The following GEMIN5 variants were observed in gnomAD, a reference collection of about 807,000 sequenced individuals.
The protein encoded by GEMIN5 is gem-associated protein 5.
A neutral mutation model predicts 176.9 loss-of-function variants in GEMIN5; 124 were observed. The observed-to-expected ratio is 0.70, with a 90% CI of 0.61 to 0.81. The LOEUF (loss-of-function observed/expected upper bound fraction) is 0.81, where lower values mean the gene tolerates loss of function less well. GEMIN5 is among the 40% of genes least tolerant of loss of function. The pLI, the probability that GEMIN5 is intolerant of heterozygous loss-of-function variation, is 0.00. For synonymous variants in GEMIN5, 673 were observed against 665.2 expected, an observed-to-expected ratio of 1.01 and a Z score of -0.18; for missense variants, 1,843 against 1,814.6, an observed-to-expected ratio of 1.02 and a Z score of -0.28.
intron 14 of GEMIN5, 134 bp from the exon 15 acceptor site, chr5:154,912,032 A>C (rs1298074872): frequency 2.5e-6 from 2 of 790,330 alleles, no homozygotes; most frequent in Non-Finnish European, 3.9e-6. Context: ...GGTGATTTAG[A>C]GTTTTCTCTT....
At chr5:154,899,087 G>T in intron 22 of GEMIN5, 104 bp downstream of exon 22, 1 of 1,103,610 alleles carries the variant, frequency 9.1e-7, no homozygotes, top group Non-Finnish European at 1.3e-6. Flanking sequence ...ATAATTCCTT[G>T]CTGCTTTACC....
At chr5:154,889,118 C>T (rs569490667) in intron 27 of GEMIN5, among the ~76,000 whole-genome samples, 10 of 152,258 alleles carry the variant, frequency 6.6e-5, no homozygotes, top group African/African-American at 1.7e-4. Flanking sequence ...CCTCATGATC[C>T]GCCAGCCTCA....
Position 154,903,084 on chromosome 5 carries a change from A to T in GEMIN5, c.2724T>A (p.Ile908=). The stretch of plus-strand genomic sequence containing the variant: ...TGTTGACTGGATTTGTCTCACCTTC[A>T]ATATCAATCATTCTATACAGGGTAG... ...DRATLYRMID[I]EGKGHLENGH... The change falls in exon 19 of 28, where the codon ATT becomes ATA. Residue 908 remains isoleucine (I), a synonymous_variant. Transcript: ENST00000285873. 6.3e-7 allele frequency: 1 copy of T among 1,584,406 alleles called. No individual in the cohort carries two copies. The highest frequency in any genetic ancestry group is 8.7e-7 in the Non-Finnish European group (1 of 1,155,970).
chr5:154,919,906 T>C (rs1360783420), intron 11 of GEMIN5, 61 bp downstream of exon 11: 3 of 1,453,146 alleles, frequency 2.1e-6, no homozygotes, highest in South Asian at 2.4e-5. Flanking sequence ...TTTTGCAAGA[T>C]GGGAAACACA....
intron 13 of GEMIN5, among the ~76,000 whole-genome samples, chr5:154,913,763 G>A (rs2113485762): frequency 6.6e-6 from 1 of 152,232 alleles, no homozygotes; most frequent in Admixed American, 6.5e-5. Flanking sequence ...GTTGTAGTGA[G>A]CTGAGATCGT....
intron 7 of GEMIN5, among the ~76,000 whole-genome samples, chr5:154,926,525 C>T (rs920293920): frequency 5.3e-5 from 8 of 152,224 alleles, no homozygotes; most frequent in Admixed American, 2.6e-4. Flanking sequence ...GTTTAAGAGA[C>T]AGGCTTGGGA....
Position 154,935,945 on chromosome 5 carries a change from GA to G in GEMIN5, c.404del (p.Phe135SerfsTer15). On this transcript the variant is annotated frameshift_variant, in exon 3 of 28. Transcript: ENST00000285873. LOFTEE classifies it high-confidence loss of function. ...IVSGDEKGVV[F>X]CYWFNRNDSQ... ...TGTCATTTCTGTTAAACCAGTAACA[GA>G]AAACTACTCCTTTTTCATCCCCAGA... The G allele has an allele frequency of 6.2e-7, 1 of 1,611,616 alleles. No homozygotes were observed. The highest frequency in any genetic ancestry group is 8.5e-7 in the Non-Finnish European group (1 of 1,177,830).
At position 154,892,513 on chromosome 5, in the gene GEMIN5, C is replaced by T; in HGVS notation, c.3634G>A (p.Val1212Met). Residue 1212 changes from valine to methionine, a missense_variant, in exon 25 of 28, where the codon GTG becomes ATG. Physicochemically the swap from Val to Met is conservative, Grantham distance 21 (BLOSUM62 1). Transcript: ENST00000285873. Reference sequence around the variant, plus strand: ...CAGGAGGCCATCTGTTGGCTCAGCACTGCCAGGGTCAAGTCATGGCAAATG... The same window carrying T: ...CAGGAGGCCATCTGTTGGCTCAGCATTGCCAGGGTCAAGTCATGGCAAATG... The part of the protein sequence containing the change: ...LHICHDLTLA[V>M]LSQQMASWDE... The T allele has an allele frequency of 6.2e-7, 1 of 1,614,194 alleles. No homozygotes were observed. Among genetic ancestry groups the T allele is most frequent in the Non-Finnish European group, 8.5e-7 (1 of 1,180,040 alleles).
chr5:154,905,328 A>T, intron 17 of GEMIN5, 35 bp downstream of exon 17: 2 of 1,050,850 alleles, frequency 1.9e-6, no homozygotes, highest in Non-Finnish European at 2.9e-6. Context: ...AGGCTGCTTT[A>T]ACAAAATACT....
At chr5:154,906,788 G>T (rs1763577478) in intron 16 of GEMIN5, among the ~76,000 whole-genome samples, 1 of 152,184 alleles carries the variant, frequency 6.6e-6, no homozygotes, top group African/African-American at 2.4e-5. Context: ...TATCCCTTGG[G>T]ATGGAGAGCA....
At chr5:154,922,126 A>T (rs1197854649) in intron 9 of GEMIN5, among the ~76,000 whole-genome samples, 1 of 152,248 alleles carries the variant, frequency 6.6e-6, no homozygotes, top group Non-Finnish European at 1.5e-5. Context: ...AAAGAAATTT[A>T]TATTTTATAA....
chr5:154,936,191 TGGATCACCA>T (rs1394723042), intron 2 of GEMIN5, among the ~76,000 whole-genome samples, 169 bp from the exon 3 acceptor site: 1 of 151,744 alleles, frequency 6.6e-6, no homozygotes, highest in Non-Finnish European at 1.5e-5. Flanking sequence ...CCGAGGCGGG[TGGATCACCA>T]GGTAAGGAGA....
intron 8 of GEMIN5, among the ~76,000 whole-genome samples, chr5:154,925,132 T>C (rs1764003365): frequency 7.0e-6 from 1 of 142,104 alleles, no homozygotes; most frequent in Non-Finnish European, 1.6e-5. Flanking sequence ...AAAAAACAAA[T>C]GAGTTCAAAT....
intron 24 of GEMIN5, among the ~76,000 whole-genome samples, chr5:154,893,599 G>A (rs1236663174): frequency 6.6e-6 from 1 of 152,204 alleles, no homozygotes; most frequent in African/African-American, 2.4e-5. Flanking sequence ...TCCTCTGCAG[G>A]CGATCTCCTG....
chr5:154,888,168 A>T lies in GEMIN5; in HGVS notation c.*42T>A. ...CATAACTGCAGAGGTGAAAGATGTC[A>T]AACATTTTCAATTTGGCAGTTTCTT... On this transcript the variant is annotated 3_prime_UTR_variant, in exon 28 of 28. Coordinates refer to ENST00000285873, the MANE Select transcript of GEMIN5 (RefSeq NM_015465.5). 1 of 1,590,964 alleles carries T rather than the reference A, an allele frequency of 6.3e-7. No homozygotes were observed. Among genetic ancestry groups the T allele is most frequent in the South Asian group, 1.1e-5 (1 of 90,466 alleles).
chr5:154,917,227 C>A (rs773768049), intron 12 of GEMIN5, 48 bp from the exon 13 acceptor site: 1 of 1,132,672 alleles, frequency 8.8e-7, no homozygotes, highest in Non-Finnish European at 1.2e-6. Context: ...GATCAAATTA[C>A]AAGTTACAAT....
Position 154,911,788 on chromosome 5 carries a change from T to C in GEMIN5, c.2106A>G (p.Ala702=), listed in dbSNP as rs1026392222. The C allele has an allele frequency of 2.5e-6, 4 of 1,614,088 alleles. No homozygotes were observed. Among genetic ancestry groups the C allele is most frequent in the Non-Finnish European group, 3.4e-6 (4 of 1,179,912 alleles). Reference sequence around the variant, plus strand: ...GCCACTTGTGCACACAAAAGTCATCTGCCCCTGAATAGATGCAGTCTGGAT... The same window carrying C: ...GCCACTTGTGCACACAAAAGTCATCCGCCCCTGAATAGATGCAGTCTGGAT... ...PLDPDCIYSG[A]DDFCVHKWLT... The change falls in exon 15 of 28, where the codon GCA becomes GCG. Residue 702 remains alanine, a synonymous_variant. Transcript: ENST00000285873.
intron 9 of GEMIN5, among the ~76,000 whole-genome samples, chr5:154,923,203 CCTGT>C (rs1561724862): frequency 6.6e-6 from 1 of 151,890 alleles, no homozygotes; most frequent in Non-Finnish European, 1.5e-5. Flanking sequence ...ACGGAGAAAC[CCTGT>C]CTGTCTCTAC....
At chr5:154,909,254 T>C (rs79221580) in intron 15 of GEMIN5, among the ~76,000 whole-genome samples, 3,925 of 148,846 alleles carry the variant, frequency 0.026, 77 homozygotes, top group Non-Finnish European at 0.04. Flanking sequence ...AGGCGTGAGC[T>C]ACTGTGCCTG....
Sources: allele counts gnomAD v4.1 joint callset (sites outside exome capture counted in the v4.1 genomes callset), GRCh38; gene constraint gnomAD v4.1.1; transcripts MANE v1.5; gene names NCBI Gene and HGNC (gene_info 2026-07-23, HGNC 2026-07-21).